The following ACOXL variants were observed in gnomAD, a reference collection of about 807,000 sequenced individuals.
ACOXL encodes acyl-CoA oxidase like.
ACOXL carries 70 observed loss-of-function variants against 71.9 expected under a neutral mutation model. The ratio of observed to expected loss-of-function variants is 0.97; its 90% CI spans 0.80 to 1.19. The LOEUF is 1.19. Ranked by LOEUF, ACOXL falls within the 50% of genes most tolerant of loss-of-function variation. The probability of loss-of-function intolerance (pLI) is 0.00; values close to 1 mark genes in which losing one functional copy is unlikely to be tolerated. For synonymous variants in ACOXL, 253 were observed against 281.6 expected (o/e 0.90, Z 1.02); for missense variants, 703 against 736.3 (o/e 0.95, Z 0.52).
chr2:110,871,691 C>T (rs903022022), intron 10 of ACOXL, among the ~76,000 whole-genome samples: 7 of 152,108 alleles, frequency 4.6e-5, no homozygotes, highest in Non-Finnish European at 1.0e-4. Flanking sequence ...TCTCTGCCTC[C>T]CCGGGAACCA....
chr2:110,885,602 A>T (rs1201577607), intron 10 of ACOXL, among the ~76,000 whole-genome samples: 1 of 152,150 alleles, frequency 6.6e-6, no homozygotes, highest in Admixed American at 6.5e-5. Context: ...CATTTTTTGC[A>T]AATTCGACTC....
At chr2:110,798,478 G>C in intron 5 of ACOXL, 132 bp from the exon 6 acceptor site, 3 of 645,502 alleles carry the variant, frequency 4.6e-6, no homozygotes, top group Non-Finnish European at 8.4e-6. Context: ...GGATGGTCTC[G>C]ATCTCCTGAC....
chr2:110,826,619 T>C (rs886183335), intron 9 of ACOXL, among the ~76,000 whole-genome samples: 1 of 152,172 alleles, frequency 6.6e-6, no homozygotes, highest in African/African-American at 2.4e-5. Flanking sequence ...AAGCACACTT[T>C]GTTGTTGGTG....
intron 15 of ACOXL, among the ~76,000 whole-genome samples, chr2:111,041,836 T>C (rs900989571): frequency 1.3e-5 from 2 of 152,214 alleles, no homozygotes; most frequent in African/African-American, 4.8e-5. Context: ...GGCTCTGCCA[T>C]TCAGGAAAGC....
intron 9 of ACOXL, among the ~76,000 whole-genome samples, chr2:110,813,583 G>C (rs1475287342): frequency 6.6e-6 from 1 of 152,174 alleles, no homozygotes; most frequent in Admixed American, 6.5e-5. Context: ...GTCAGATATG[G>C]ATGATTGACA....
chr2:110,998,577 C>T (rs1377152449), intron 14 of ACOXL, among the ~76,000 whole-genome samples: 2 of 152,176 alleles, frequency 1.3e-5, no homozygotes, highest in Admixed American at 6.5e-5. Flanking sequence ...TGTGATATCC[C>T]CTTTGTCTCT....
chr2:110,987,185 G>C lies in ACOXL; in HGVS notation c.1137G>C (p.Trp379Cys). Reference sequence around the variant, plus strand: ...CACTCTTTGGCCTGCTCCAAAACTGGGCTGAATCTGTGGGGGACAAGCTGA... The same window carrying C: ...CACTCTTTGGCCTGCTCCAAAACTGCGCTGAATCTGTGGGGGACAAGCTGA... The part of the protein sequence containing the change: ...EKPLFGLLQN[W>C]AESVGDKLRT... The change falls in exon 13 of 18, where the codon TGG becomes TGC. Residue 379 changes from tryptophan (W) to cysteine (C), a missense_variant. Transcript: ENST00000439055. 2 of 1,577,760 alleles carry C rather than the reference G, an allele frequency of 1.3e-6. No homozygotes were observed. The highest frequency in any genetic ancestry group is 1.7e-6 in the Non-Finnish European group (2 of 1,158,712).
intron 16 of ACOXL, among the ~76,000 whole-genome samples, chr2:111,070,556 C>T (rs2067293966): frequency 6.6e-6 from 1 of 152,040 alleles, no homozygotes; most frequent in Admixed American, 6.6e-5. Context: ...AAGCTTAGTA[C>T]CTGGGTGATG....
chr2:110,944,207 A>C (rs28661169), intron 12 of ACOXL, among the ~76,000 whole-genome samples: 73,591 of 151,808 alleles, frequency 0.48, 18,614 homozygotes, highest in East Asian at 0.61. Context: ...GGCACGTACC[A>C]CCACACCCAG....
intron 12 of ACOXL, among the ~76,000 whole-genome samples, chr2:110,943,300 GAA>G (rs1442084089): frequency 3.4e-5 from 5 of 145,340 alleles, no homozygotes; most frequent in African/African-American, 7.4e-5. Flanking sequence ...GAAGGAGAAA[GAA>G]GAGAGAAAGA....
At chr2:110,901,976 A>G (rs1333304984) in intron 10 of ACOXL, among the ~76,000 whole-genome samples, 4 of 151,942 alleles carry the variant, frequency 2.6e-5, no homozygotes, top group African/African-American at 9.7e-5. Flanking sequence ...GCAGTGAGCC[A>G]AGATTGTGCC....
chr2:110,886,518 T>C (rs1697316710), intron 10 of ACOXL, among the ~76,000 whole-genome samples: 1 of 151,860 alleles, frequency 6.6e-6, no homozygotes, highest in African/African-American at 2.4e-5. Context: ...CTGGAATTAC[T>C]GGCATGCACC....
chr2:111,000,719 A>G (rs899986104), intron 14 of ACOXL, among the ~76,000 whole-genome samples: 4 of 152,120 alleles, frequency 2.6e-5, no homozygotes, highest in African/African-American at 9.7e-5. Flanking sequence ...CTGTCATCAC[A>G]TGACATACCC....
chr2:110,895,582 C>A (rs1373886884), intron 10 of ACOXL, among the ~76,000 whole-genome samples: 1 of 151,880 alleles, frequency 6.6e-6, no homozygotes, highest in Middle Eastern at 3.2e-3. Flanking sequence ...AAACCTCAAA[C>A]AGGATAACCC....
At chr2:110,995,809 A>C in intron 13 of ACOXL, 84 bp from the exon 14 acceptor site, 2 of 1,104,432 alleles carry the variant, frequency 1.8e-6, no homozygotes, top group Non-Finnish European at 2.7e-6. Flanking sequence ...AATAGTTTTA[A>C]AAAACAAACC....
chr2:110,762,087 A>T (rs1680471061), intron 1 of ACOXL, among the ~76,000 whole-genome samples: 1 of 152,064 alleles, frequency 6.6e-6, no homozygotes. Context: ...TTATAATTAT[A>T]ATATCTTTTG....
At chr2:110,761,675 C>G (rs889812669) in intron 1 of ACOXL, among the ~76,000 whole-genome samples, 1 of 152,224 alleles carries the variant, frequency 6.6e-6, no homozygotes, top group Non-Finnish European at 1.5e-5. Context: ...TGATGGTTTG[C>G]TTCCCCACCT....
chr2:110,751,494 A>G (rs1318699557), intron 1 of ACOXL, among the ~76,000 whole-genome samples: 1 of 152,104 alleles, frequency 6.6e-6, no homozygotes, highest in East Asian at 1.9e-4. Flanking sequence ...TTTCAAAATT[A>G]CTAACATAAA....
chr2:111,011,884 A>T (rs1332609876), intron 14 of ACOXL, among the ~76,000 whole-genome samples: 1 of 7,368 alleles, frequency 1.4e-4, no homozygotes, highest in South Asian at 5.6e-3. Context: ...ACTCTGTTAA[A>T]AAAAAAAAAA....
Sources: gnomAD v4.1 joint callset for allele counts (sites outside exome capture counted in the v4.1 genomes callset) on GRCh38, gnomAD v4.1.1 for gene constraint, MANE v1.5 for transcripts, NCBI Gene and HGNC (gene_info 2026-07-23, HGNC 2026-07-21) for gene names.